Variants in ITPR2 observed in about 807,000 individuals in gnomAD.
ITPR2 encodes inositol 1,4,5-trisphosphate receptor type 2.
Under a neutral mutation model 317.1 loss-of-function variants are expected in ITPR2, and 207 were observed. The observed-to-expected ratio is 0.65, with a 90% CI of 0.58 to 0.73. The LOEUF is 0.73. Among genes scored for constraint, ITPR2 ranks in the 30% least tolerant of loss-of-function variants. ITPR2 has a pLI of 0.00. For synonymous variants in ITPR2, 1,156 were observed against 1,149.1 expected (o/e 1.01, Z -0.12); for missense variants, 2,613 against 3,284.0 (o/e 0.80, Z 4.99).
chr12:26,457,955 CA>C (rs1426517232), intron 45 of ITPR2, among the ~76,000 whole-genome samples: 1 of 152,036 alleles, frequency 6.6e-6, no homozygotes, highest in Non-Finnish European at 1.5e-5. Context: ...ACTAAAATAA[CA>C]GAAAAAAATA....
chr12:26,762,462 A>G (rs973190576), intron 2 of ITPR2, among the ~76,000 whole-genome samples: 4 of 152,186 alleles, frequency 2.6e-5, no homozygotes, highest in African/African-American at 9.7e-5. Flanking sequence ...AGGACTGCCA[A>G]CCAAGACTAT....
In ITPR2 at chr12:26,597,114, G is replaced by T. The variant is rs771963402; in HGVS notation, c.4023C>A (p.Asp1341Glu). ...VMTELINGGE[D>E]VLIFYNDRAS... is the part of the protein sequence containing the mutation. ...CTCTATCATTGTAAAATATCAGCAC[G>T]TCTTCACCCCCATTTATCAACTGAA... Residue 1341 changes from aspartate to glutamate, a missense_variant, in exon 31 of 57, where the codon GAC (aspartate) becomes GAA (glutamate). Asp to Glu is a conservative substitution (Grantham distance 45, BLOSUM62 2). Transcript: ENST00000381340. 3.1e-6 allele frequency: 5 copies of T among 1,613,566 alleles called. No homozygotes were observed. Among genetic ancestry groups the T allele is most frequent in the Non-Finnish European group, 4.2e-6 (5 of 1,179,872 alleles).
chr12:26,657,795 T>C lies in ITPR2; in HGVS notation c.2104A>G (p.Lys702Glu). ...EVWLYWIDSN[K>E]EPHGKAIRHL... ...CTGATAGCTTTGCCATGAGGTTCCT[T>C]GTTGCTGTCAATCCAATAGAGCCAA... Residue 702 changes from lysine (K) to glutamate (E), a missense_variant, in exon 18 of 57, where the codon AAG becomes GAG. Physicochemically the swap from Lys to Glu is moderately conservative, Grantham distance 56. This residue lies in a region of ITPR2 where 817 missense variants were observed against 897.6 expected (regional missense o/e 0.91). Coordinates refer to ENST00000381340, the MANE Select transcript of ITPR2 (RefSeq NM_002223.4). 1 of 1,614,214 alleles carries C rather than the reference T, an allele frequency of 6.2e-7. No homozygotes were observed. Among genetic ancestry groups the C allele is most frequent in the South Asian group, 1.1e-5 (1 of 91,086 alleles).
chr12:26,535,413 T>C (rs1051135907), intron 37 of ITPR2, among the ~76,000 whole-genome samples: 3 of 152,378 alleles, frequency 2.0e-5, no homozygotes, highest in Non-Finnish European at 2.9e-5. Flanking sequence ...AGTGTTGTTA[T>C]GTTCCATTAA....
In ITPR2 at chr12:26,682,016, T is replaced by C. The variant is rs1202119149; in HGVS notation, c.1267A>G (p.Lys423Glu). 6.2e-7 allele frequency: 1 copy of C among 1,612,928 alleles called. No homozygotes were observed. The highest frequency in any genetic ancestry group is 2.2e-5 in the East Asian group (1 of 44,872). ...VMLKIGTCQTKEDKEAFAIVS... is the reference protein window; with the variant it reads ...VMLKIGTCQTEEDKEAFAIVS... ...ATTGCGAACGCTTCTTTATCTTCTT[T>C]GGTTTGGCAGGTTCCAATCTGAAAT... The change falls in exon 13 of 57, where the codon AAA becomes GAA. Residue 423 changes from lysine (K) to glutamate (E), a missense_variant. By Grantham distance (56) the Lys-to-Glu change is moderately conservative. Around this residue, in one of 9 missense-constraint regions of ITPR2, gnomAD observed 515 missense variants for 789.4 expected, o/e 0.65. Coordinates refer to ENST00000381340, the MANE Select transcript of ITPR2 (RefSeq NM_002223.4).
chr12:26,791,884 TA>T (rs1950347318), intron 1 of ITPR2, among the ~76,000 whole-genome samples: 2 of 152,190 alleles, frequency 1.3e-5, no homozygotes, highest in African/African-American at 4.8e-5. Context: ...TAAGACATGT[TA>T]AGAATTCAAA....
chr12:26,610,630 A>G (rs1394728040), intron 26 of ITPR2, among the ~76,000 whole-genome samples: 1 of 152,238 alleles, frequency 6.6e-6, no homozygotes, highest in Admixed American at 6.5e-5. Context: ...AGGAACATTA[A>G]TACTAAAAAT....
At chr12:26,465,892 T>C (rs1427743238) in intron 45 of ITPR2, among the ~76,000 whole-genome samples, 1 of 152,184 alleles carries the variant, frequency 6.6e-6, no homozygotes, top group Admixed American at 6.5e-5. Flanking sequence ...CCTGCTAGCA[T>C]GTAAGCTCAC....
At chr12:26,491,622 G>T (rs1194103065) in intron 39 of ITPR2, among the ~76,000 whole-genome samples, 1 of 152,038 alleles carries the variant, frequency 6.6e-6, no homozygotes, top group Non-Finnish European at 1.5e-5. Flanking sequence ...AGAATCTGTA[G>T]TGAGAGCTGG....
intron 2 of ITPR2, among the ~76,000 whole-genome samples, chr12:26,769,051 C>T (rs1001527980): frequency 3.3e-5 from 5 of 150,246 alleles, no homozygotes; most frequent in African/African-American, 1.2e-4. Context: ...CATAGTAAAA[C>T]ATTACAGAAG....
intron 54 of ITPR2, among the ~76,000 whole-genome samples, chr12:26,388,167 G>A (rs1939720104): frequency 6.6e-6 from 1 of 152,166 alleles, no homozygotes; most frequent in Non-Finnish European, 1.5e-5. Flanking sequence ...GGCAGGGGGT[G>A]ATCTGTTCCA....
intron 2 of ITPR2, among the ~76,000 whole-genome samples, chr12:26,773,201 T>C (rs1040548626): frequency 1.3e-5 from 2 of 152,224 alleles, no homozygotes; most frequent in African/African-American, 4.8e-5. Flanking sequence ...TCCACATTTG[T>C]AAAACAAGGC....
chr12:26,635,042 T>C (rs1045026767), intron 21 of ITPR2, among the ~76,000 whole-genome samples: 13 of 152,166 alleles, frequency 8.5e-5, no homozygotes, highest in African/African-American at 3.1e-4. Flanking sequence ...AAATGCATAC[T>C]GAGAGCGGTA....
At chr12:26,438,273 AC>A (rs534719593) in intron 47 of ITPR2, among the ~76,000 whole-genome samples, 228 of 152,198 alleles carry the variant, frequency 1.5e-3, no homozygotes, top group African/African-American at 5.4e-3. Flanking sequence ...TGCATACCAC[AC>A]CCCTATATCT....
At chr12:26,621,357 T>C in intron 25 of ITPR2, 61 bp from the exon 26 acceptor site, 2 of 1,327,222 alleles carry the variant, frequency 1.5e-6, no homozygotes. Flanking sequence ...TTTATGAATA[T>C]TTTAGATGTA....
rs986889380 is a variant in ITPR2 at position 26,548,069 on chromosome 12, A to G, written c.5073+2178T>C. Among the ~76,000 whole-genome samples the G allele has an allele frequency of 3.9e-5, 6 of 152,200 alleles. No homozygotes were observed. The East Asian group carries it at 5.8e-4, about 15-fold the overall frequency. On this transcript the variant is annotated intron_variant, in intron 37 of 56. Coordinates refer to ENST00000381340, the MANE Select transcript of ITPR2 (RefSeq NM_002223.4). ...TCTGGGACTCTGTGGCATCATCTATAAAATAAGGAGCTTGGACTAAATTTC... is the reference window on the plus strand; with the variant it reads ...TCTGGGACTCTGTGGCATCATCTATGAAATAAGGAGCTTGGACTAAATTTC...
chr12:26,624,547 T>C (rs575015757), intron 23 of ITPR2, among the ~76,000 whole-genome samples, 191 bp from the exon 24 acceptor site: 1 of 152,260 alleles, frequency 6.6e-6, no homozygotes, highest in South Asian at 2.1e-4. Flanking sequence ...AAAGAAAACA[T>C]ACAAATGGCA....
intron 1 of ITPR2, among the ~76,000 whole-genome samples, chr12:26,826,046 C>A (rs1368639894): frequency 6.6e-6 from 1 of 152,074 alleles, no homozygotes; most frequent in African/African-American, 2.4e-5. Context: ...ACATCTTATA[C>A]AAAAATAAAA....
chr12:26,441,758 A>G (rs1941492854), intron 46 of ITPR2, among the ~76,000 whole-genome samples: 1 of 152,094 alleles, frequency 6.6e-6, no homozygotes, highest in Admixed American at 6.6e-5. Context: ...TTAGCTGCCA[A>G]ACTTCACTCT....
Sources: gnomAD v4.1 joint callset for allele counts (sites outside exome capture counted in the v4.1 genomes callset) on GRCh38, gnomAD v4.1.1 for gene constraint, gnomAD v4.1.1 regional missense constraint, MANE v1.5 for transcripts, NCBI Gene and HGNC (gene_info 2026-07-23, HGNC 2026-07-21) for gene names.